ADGRB3: variants seen among roughly 807,000 people sequenced by gnomAD.
The protein encoded by ADGRB3 is brain-specific angiogenesis inhibitor 3.
ADGRB3 carries 37 observed loss-of-function variants against 193.4 expected under a neutral mutation model. The ratio of observed to expected loss-of-function variants is 0.19; its 90% confidence interval spans 0.15 to 0.25. The LOEUF (loss-of-function observed/expected upper bound fraction) is 0.25, where lower values mean the gene tolerates loss of function less well. ADGRB3 is among the 10% of genes least tolerant of loss of function. The pLI is 1.00. For missense variants in ADGRB3, 1,637 were observed against 1,852.9 expected (o/e 0.88, Z 2.14); for synonymous variants, 690 against 644.2 (o/e 1.07, Z -1.08).
At chr6:69,173,862 G>A (rs1226381240) in intron 17 of ADGRB3, among the ~76,000 whole-genome samples, 1 of 152,160 alleles carries the variant, frequency 6.6e-6, no homozygotes, top group Non-Finnish European at 1.5e-5. Context: ...ACCCCAAAGC[G>A]TTTTATGACT....
At position 69,330,570 on chromosome 6, in the gene ADGRB3, C is replaced by G; in HGVS notation, c.3100C>G (p.Leu1034Val). The change falls in exon 23 of 32, where the codon CTG becomes GTG. Residue 1034 changes from leucine (L) to valine (V), a missense_variant and splice_region_variant. By Grantham distance (32) the Leu-to-Val change is conservative. Transcript: ENST00000370598. Reference protein sequence around the residue: ...AFVGPAAAVVLVNMVIGILVF... With the variant: ...AFVGPAAAVVVVNMVIGILVF... ...TGTGGGACCTGCAGCCGCTGTTGTC[C>G]TGGTAAACATCAAAATCAACCTATT... is the stretch of plus-strand genomic sequence containing the variant. 1 of 1,604,808 alleles carries G rather than the reference C, an allele frequency of 6.2e-7. No individual in the cohort carries two copies. Among genetic ancestry groups the G allele is most frequent in the African/African-American group, 1.3e-5 (1 of 74,500 alleles).
intron 20 of ADGRB3, among the ~76,000 whole-genome samples, chr6:69,259,829 A>G (rs1207049291): frequency 6.6e-6 from 1 of 152,130 alleles, no homozygotes; most frequent in African/African-American, 2.4e-5. Context: ...ATATAAAGAC[A>G]TTGGATATAT....
intron 13 of ADGRB3, among the ~76,000 whole-genome samples, chr6:69,041,524 G>T (rs1165806883): frequency 6.6e-6 from 1 of 152,020 alleles, no homozygotes; most frequent in Non-Finnish European, 1.5e-5. Context: ...AAATCACATT[G>T]CACCACACAG....
intron 13 of ADGRB3, among the ~76,000 whole-genome samples, chr6:69,038,318 A>G (rs1274373021): frequency 7.4e-6 from 1 of 135,588 alleles, no homozygotes; most frequent in Non-Finnish European, 1.6e-5. Flanking sequence ...ATATGATATC[A>G]TGAATACACA....
At chr6:69,291,322 G>A (rs1008158905) in intron 20 of ADGRB3, among the ~76,000 whole-genome samples, 4 of 151,836 alleles carry the variant, frequency 2.6e-5, no homozygotes, top group Admixed American at 1.3e-4. Flanking sequence ...GTATATAAAC[G>A]CATGAATTAT....
chr6:68,648,472 G>T (rs2585625), intron 3 of ADGRB3, among the ~76,000 whole-genome samples: 45,105 of 99,438 alleles, frequency 0.45, 8,648 homozygotes, highest in Non-Finnish European at 0.49. Flanking sequence ...GAGTTTTTTT[G>T]TTTTTTTTTT....
intron 3 of ADGRB3, among the ~76,000 whole-genome samples, chr6:68,910,406 T>C (rs1439591004): frequency 2.6e-5 from 4 of 152,148 alleles, no homozygotes; most frequent in Non-Finnish European, 5.9e-5. Context: ...AGCTCTTTAG[T>C]TTAATTAGAT....
intron 13 of ADGRB3, among the ~76,000 whole-genome samples, chr6:69,029,971 A>C (rs892739031): frequency 2.0e-5 from 2 of 100,112 alleles, no homozygotes; most frequent in Admixed American, 1.9e-4. Context: ...TATGATATAT[A>C]GAATGCACAC....
chr6:69,006,333 C>A (rs1476489979), intron 11 of ADGRB3, among the ~76,000 whole-genome samples: 1 of 151,604 alleles, frequency 6.6e-6, no homozygotes, highest in African/African-American at 2.4e-5. Flanking sequence ...GAAAAAAAAA[C>A]GAGATCTACT....
In ADGRB3 at chr6:69,069,553, CAAAAAAAAAAAA is replaced by C. The variant is rs57616226; in HGVS notation, c.2437-6425_2437-6414del. Among the ~76,000 whole-genome samples the C allele has an allele frequency of 6.0e-4, 19 of 31,782 alleles. 1 individual carries two copies. The highest frequency in any genetic ancestry group is 0.071 in the Middle Eastern group (1 of 14). 20.9% of individuals were successfully genotyped at this position (31,782 alleles called of 152,430 possible). On this transcript the variant is annotated intron_variant, in intron 16 of 31. Transcript: ENST00000370598. Reference sequence around the variant, plus strand: ...TGAAACCCCGTCTCTACTAAAAATACAAAAAAAAAAAAAAAAAAAAAAAAAAAATTATCCGGA... The same window carrying C: ...TGAAACCCCGTCTCTACTAAAAATACAAAAAAAAAAAAAAAATTATCCGGA...
intron 20 of ADGRB3, among the ~76,000 whole-genome samples, chr6:69,320,109 C>T (rs898701654): frequency 2.6e-5 from 4 of 151,192 alleles, no homozygotes; most frequent in African/African-American, 4.8e-5. Flanking sequence ...AATGTTCAAG[C>T]GTATTTTTCT....
rs181063169 is a variant in ADGRB3, at chr6:69,379,972, T to C, written c.4276-2859T>C. ...ACCCAGGTAGAAAATACCAAAATGTTTTTTAGTTACGTAATATTGGTGACC... is the reference window on the plus strand; with the variant it reads ...ACCCAGGTAGAAAATACCAAAATGTCTTTTAGTTACGTAATATTGGTGACC... On this transcript the variant is annotated intron_variant, in intron 30 of 31. Transcript: ENST00000370598. 1.1e-4 allele frequency among the ~76,000 whole-genome samples: 17 copies of C among 152,112 alleles called. No individual in the cohort carries two copies. The East Asian group carries it at 2.9e-3, about 26-fold the overall frequency.
chr6:68,893,569 C>A (rs1582291186), intron 3 of ADGRB3, among the ~76,000 whole-genome samples: 1 of 148,552 alleles, frequency 6.7e-6, no homozygotes, highest in Admixed American at 6.7e-5. Flanking sequence ...TTCTGTCCCA[C>A]TGCTATGAAT....
chr6:68,969,969 C>A (rs933076596), intron 8 of ADGRB3, among the ~76,000 whole-genome samples: 1 of 152,206 alleles, frequency 6.6e-6, no homozygotes. Context: ...CTCACCAGAC[C>A]ATTACTCTAT....
chr6:68,935,962 T>C (rs1027071966), intron 4 of ADGRB3, among the ~76,000 whole-genome samples: 6 of 152,128 alleles, frequency 3.9e-5, no homozygotes, highest in Admixed American at 1.3e-4. Context: ...AATAAACAGC[T>C]ATCATAGTAT....
chr6:69,172,897 A>G lies in ADGRB3; in HGVS notation c.2481-60393A>G, dbSNP rs1415689890. 3.3e-5 allele frequency among the ~76,000 whole-genome samples: 5 copies of G among 152,266 alleles called. 1 individual carries two copies. The East Asian group carries it at 9.7e-4, about 29-fold the overall frequency. The stretch of plus-strand genomic sequence containing the variant: ...ACAGAACAAAATGGCTGAAATGGAA[A>G]GAAAGAATGCTGGTATGTCTGGAAT... On this transcript the variant is annotated intron_variant, in intron 17 of 31. Coordinates refer to ENST00000370598, the MANE Select transcript of ADGRB3 (RefSeq NM_001704.3).
At chr6:68,848,351 A>G (rs1768324789) in intron 3 of ADGRB3, among the ~76,000 whole-genome samples, 1 of 152,036 alleles carries the variant, frequency 6.6e-6, no homozygotes. Context: ...CCCATCTACA[A>G]ATCAAAGGGG....
chr6:69,094,205 G>A (rs1461635188), intron 17 of ADGRB3, among the ~76,000 whole-genome samples: 1 of 152,154 alleles, frequency 6.6e-6, no homozygotes, highest in Non-Finnish European at 1.5e-5. Context: ...ATGAGTCTCA[G>A]GTAGGTCTGA....
At chr6:69,238,224 G>A (rs528764608) in intron 19 of ADGRB3, among the ~76,000 whole-genome samples, 25 of 152,114 alleles carry the variant, frequency 1.6e-4, no homozygotes, top group African/African-American at 2.2e-4. Context: ...GTGATTCCAC[G>A]TTATAATACA....
Sources: gnomAD v4.1 joint callset for allele counts (sites outside exome capture counted in the v4.1 genomes callset) on GRCh38, gnomAD v4.1.1 for gene constraint, MANE v1.5 for transcripts, NCBI Gene and HGNC (gene_info 2026-07-23, HGNC 2026-07-21) for gene names.